SLC24A3: variants seen among roughly 807,000 people sequenced by gnomAD.
SLC24A3 encodes the protein solute carrier family 24 member 3, also known as sodium/potassium/calcium exchanger 3.
SLC24A3 carries 28 observed loss-of-function variants against 75.8 expected under a neutral mutation model. The ratio of observed to expected loss-of-function variants is 0.37; its 90% CI spans 0.27 to 0.51. The LOEUF (loss-of-function observed/expected upper bound fraction) is 0.51. Among genes scored for constraint, SLC24A3 ranks in the 20% least tolerant of loss-of-function variants. The pLI, the probability that SLC24A3 is intolerant of heterozygous loss-of-function variation, is 0.94. For synonymous variants in SLC24A3, 372 were observed against 334.1 expected (o/e 1.11, Z -1.24); for missense variants, 663 against 847.8 (o/e 0.78, Z 2.71).
At chr20:19,537,694 G>A (rs1224704971) in intron 3 of SLC24A3, among the ~76,000 whole-genome samples, 1 of 152,100 alleles carries the variant, frequency 6.6e-6, no homozygotes, top group Non-Finnish European at 1.5e-5. Flanking sequence ...ATACTATGCA[G>A]CCATAAAAAA....
intron 2 of SLC24A3, among the ~76,000 whole-genome samples, chr20:19,320,291 C>T (rs1035272634): frequency 2.0e-5 from 3 of 152,012 alleles, no homozygotes; most frequent in East Asian, 1.9e-4. Flanking sequence ...TCATAAAGGT[C>T]GAGTTATGAA....
chr20:19,580,903 CCT>C (rs1167288600), intron 4 of SLC24A3, among the ~76,000 whole-genome samples: 1 of 152,180 alleles, frequency 6.6e-6, no homozygotes, highest in Non-Finnish European at 1.5e-5. Flanking sequence ...TTCTCTCTCC[CCT>C]GAGTACCTGA....
chr20:19,556,718 C>G (rs1339754757), intron 3 of SLC24A3, among the ~76,000 whole-genome samples: 2 of 152,056 alleles, frequency 1.3e-5, no homozygotes, highest in Non-Finnish European at 2.9e-5. Context: ...TTGTGAAATT[C>G]TTCCACTAAG....
chr20:19,553,515 A>G (rs557642351), intron 3 of SLC24A3, among the ~76,000 whole-genome samples: 1 of 152,162 alleles, frequency 6.6e-6, no homozygotes, highest in East Asian at 1.9e-4. Flanking sequence ...TCATAGTTCA[A>G]ATTGGAATAA....
At chr20:19,305,104 C>T (rs1248615571) in intron 2 of SLC24A3, among the ~76,000 whole-genome samples, 1 of 152,110 alleles carries the variant, frequency 6.6e-6, no homozygotes, top group African/African-American at 2.4e-5. Flanking sequence ...AAAATGGTCT[C>T]AAGGGCCCTG....
chr20:19,468,206 A>G (rs11699968), intron 2 of SLC24A3, among the ~76,000 whole-genome samples: 1 of 152,314 alleles, frequency 6.6e-6, no homozygotes, highest in Admixed American at 6.5e-5. Flanking sequence ...ATGGTAGCTG[A>G]CAGTGGATAC....
chr20:19,533,097 A>T (rs564610641), intron 3 of SLC24A3, among the ~76,000 whole-genome samples: 1 of 152,356 alleles, frequency 6.6e-6, no homozygotes, highest in South Asian at 2.1e-4. Flanking sequence ...ACAATTTGTT[A>T]TCAGTCCTGG....
chr20:19,237,369 G>T (rs1982195086), intron 1 of SLC24A3, among the ~76,000 whole-genome samples: 1 of 152,132 alleles, frequency 6.6e-6, no homozygotes, highest in Non-Finnish European at 1.5e-5. Flanking sequence ...ATCTTCACCT[G>T]CTTTGCCATC....
intron 2 of SLC24A3, among the ~76,000 whole-genome samples, chr20:19,322,977 C>T (rs921213309): frequency 1.8e-4 from 28 of 152,022 alleles, no homozygotes; most frequent in South Asian, 1.2e-3. Context: ...GAGGCCGAGG[C>T]GGGCGGATCA....
At chr20:19,428,139 C>T (rs1277078945) in intron 2 of SLC24A3, among the ~76,000 whole-genome samples, 6 of 152,218 alleles carry the variant, frequency 3.9e-5, no homozygotes, top group Non-Finnish European at 8.8e-5. Flanking sequence ...CCTCAGCCGT[C>T]TCTCCATGCA....
chr20:19,261,502 G>A (rs1425447194), intron 1 of SLC24A3, among the ~76,000 whole-genome samples: 1 of 151,824 alleles, frequency 6.6e-6, no homozygotes, highest in African/African-American at 2.4e-5. Context: ...ACCACATTCA[G>A]CTATTTTTTT....
intron 2 of SLC24A3, among the ~76,000 whole-genome samples, chr20:19,357,574 G>C (rs1212368855): frequency 2.0e-5 from 3 of 152,122 alleles, no homozygotes; most frequent in Non-Finnish European, 4.4e-5. Flanking sequence ...TGTTTTTGGT[G>C]GTGGTTTTTT....
intron 7 of SLC24A3, among the ~76,000 whole-genome samples, chr20:19,663,748 A>G (rs752225237): frequency 6.6e-6 from 1 of 151,932 alleles, no homozygotes; most frequent in Non-Finnish European, 1.5e-5. Flanking sequence ...ATTTTGTCCA[A>G]TCTCACCCGG....
intron 6 of SLC24A3, among the ~76,000 whole-genome samples, chr20:19,630,846 A>C (rs2031924611): frequency 6.6e-6 from 1 of 152,198 alleles, no homozygotes; most frequent in Non-Finnish European, 1.5e-5. Flanking sequence ...AACAGCAAGG[A>C]GGGATGGGTT....
chr20:19,627,230 T>A (rs538978404), intron 6 of SLC24A3, among the ~76,000 whole-genome samples: 66 of 152,314 alleles, frequency 4.3e-4, no homozygotes, highest in African/African-American at 1.6e-3. Flanking sequence ...TCTGTCTGTG[T>A]TGTTTCTTAG....
At chr20:19,654,188 G>A in intron 7 of SLC24A3, 52 bp downstream of exon 7, 1 of 1,560,172 alleles carries the variant, frequency 6.4e-7, no homozygotes, top group Non-Finnish European at 8.8e-7. Flanking sequence ...TAAGCACCAG[G>A]GGTGGTGTGA....
intron 3 of SLC24A3, among the ~76,000 whole-genome samples, chr20:19,537,119 C>A (rs1250277697): frequency 7.2e-5 from 11 of 152,128 alleles, no homozygotes; most frequent in Non-Finnish European, 1.2e-4. Context: ...ATTTTTGCAA[C>A]CTACTCACCT....
chr20:19,573,663 A>G (rs1330820825), intron 3 of SLC24A3, among the ~76,000 whole-genome samples: 1 of 152,220 alleles, frequency 6.6e-6, no homozygotes, highest in Non-Finnish European at 1.5e-5. Flanking sequence ...GTGTATCCTC[A>G]GGCTTATTAT....
chr20:19,368,614 C>T (rs1333043875), intron 2 of SLC24A3, among the ~76,000 whole-genome samples: 1 of 152,210 alleles, frequency 6.6e-6, no homozygotes, highest in African/African-American at 2.4e-5. Context: ...GGGCACCACC[C>T]CCATTCCATC....
Sources: allele counts gnomAD v4.1 joint callset (sites outside exome capture counted in the v4.1 genomes callset), GRCh38; gene constraint gnomAD v4.1.1; transcripts MANE v1.5; gene names NCBI Gene and HGNC (gene_info 2026-07-23, HGNC 2026-07-21).